IQGAP3: variants seen among roughly 807,000 people sequenced by gnomAD.
IQGAP3 encodes IQ motif containing GTPase activating protein 3.
IQGAP3 carries 165 observed loss-of-function variants against 208.2 expected under a neutral mutation model. The ratio of observed to expected loss-of-function variants is 0.79; its 90% CI spans 0.70 to 0.90. The LOEUF (loss-of-function observed/expected upper bound fraction) is 0.90. Among genes scored for constraint, IQGAP3 ranks in the 40% least tolerant of loss-of-function variants. The pLI is 0.00. For missense variants in IQGAP3, 1,811 were observed against 2,043.1 expected, an observed-to-expected ratio of 0.89 and a Z score of 2.19; for synonymous variants, 703 against 803.6, an observed-to-expected ratio of 0.87 and a Z score of 2.12.
chr1:156,559,941 G>A (rs747086794), intron 11 of IQGAP3, among the ~76,000 whole-genome samples: 11 of 152,204 alleles, frequency 7.2e-5, no homozygotes, highest in Non-Finnish European at 1.3e-4. Context: ...AGCAGCAATC[G>A]GGAATGAACT....
intron 19 of IQGAP3, among the ~76,000 whole-genome samples, chr1:156,547,396 C>CAG (rs1675305393): frequency 1.5e-5 from 2 of 137,852 alleles, no homozygotes; most frequent in African/African-American, 6.0e-5. Flanking sequence ...CAGACACACA[C>CAG]ACACACACAC....
intron 30 of IQGAP3, 26 bp from the exon 31 acceptor site, chr1:156,533,901 A>G (rs1674546871): frequency 6.2e-7 from 1 of 1,604,506 alleles, no homozygotes; most frequent in South Asian, 1.1e-5. Context: ...AGAAAAGGAG[A>G]TGCAGGGTCT....
chr1:156,561,173 GTTT>G, intron 10 of IQGAP3, 152 bp from the exon 11 acceptor site: 9 of 442,128 alleles, frequency 2.0e-5, no homozygotes, highest in East Asian at 7.7e-5. Context: ...CCTATTAACC[GTTT>G]TTTTTTTTTT....
chr1:156,539,062 T>A, intron 25 of IQGAP3, 29 bp from the exon 26 acceptor site: 1 of 1,580,232 alleles, frequency 6.3e-7, no homozygotes, highest in South Asian at 1.1e-5. Context: ...TTGAAACCAG[T>A]CTTCTGCCTC....
intron 9 of IQGAP3, 34 bp downstream of exon 9, chr1:156,562,553 C>T (rs1485900447): frequency 4.5e-6 from 7 of 1,563,800 alleles, no homozygotes; most frequent in South Asian, 1.1e-5. Context: ...ACCCTGAGGT[C>T]ACCCCCAAAC....
intron 15 of IQGAP3, among the ~76,000 whole-genome samples, chr1:156,550,961 C>G (rs764046679): frequency 6.6e-6 from 1 of 152,198 alleles, no homozygotes; most frequent in Non-Finnish European, 1.5e-5. Flanking sequence ...CTTCCCAACT[C>G]TCCTCAATAA....
At chr1:156,527,343 T>A (rs1439532449) in intron 37 of IQGAP3, among the ~76,000 whole-genome samples, 2 of 151,684 alleles carry the variant, frequency 1.3e-5, no homozygotes, top group South Asian at 2.1e-4. Context: ...GCCGGTGTGG[T>A]GGCGCACGCC....
At chr1:156,544,301 TAGA>T in intron 20 of IQGAP3, 78 bp from the exon 21 acceptor site, 1 of 1,573,784 alleles carries the variant, frequency 6.4e-7, no homozygotes, top group Non-Finnish European at 8.7e-7. Context: ...CAGCTAAATC[TAGA>T]GGTCACAAGA....
Position 156,528,504 on chromosome 1 carries a change from C to A in IQGAP3, c.4673+5G>T, listed in dbSNP as rs751410010. On this transcript the variant is annotated splice_donor_5th_base_variant and intron_variant, in intron 36 of 37. Coordinates refer to ENST00000361170, the MANE Select transcript of IQGAP3 (RefSeq NM_178229.5). ...GCTGACATCCTGCCCTCCAAAGACA[C>A]ATACTGAGAGGCGGGAAGATCTTCA... The A allele has an allele frequency of 3.1e-6, 5 of 1,609,154 alleles. No individual in the cohort carries two copies. In the South Asian group the frequency reaches 5.5e-5, roughly 18 times the overall value.
At position 156,553,861 on chromosome 1, in the gene IQGAP3, G is replaced by A. The variant is rs144498972; in HGVS notation, c.1448+374C>T. On this transcript the variant is annotated intron_variant, in intron 13 of 37. Transcript: ENST00000361170. ...CTCCCAAAGTGCTGGGATTACAGGC[G>A]TGAGCCACTGCACCCAGCCACCTCA... 9.2e-3 allele frequency among the ~76,000 whole-genome samples: 1,397 copies of A among 152,256 alleles called. 17 individuals carry two copies. The highest frequency in any genetic ancestry group is 0.031 in the African/African-American group (1,307 of 41,556).
chr1:156,552,032 C>T lies in IQGAP3; in HGVS notation c.1512G>A (p.Trp504Ter). 1 of 1,614,170 alleles carries T rather than the reference C, an allele frequency of 6.2e-7. No homozygotes were observed. Among genetic ancestry groups the T allele is most frequent in the Non-Finnish European group, 8.5e-7 (1 of 1,180,018 alleles). ...ERGMGEDFLS[W>*]NDLQATVSQV... The stretch of plus-strand genomic sequence containing the variant: ...GGCTCACGGTGGCCTGCAGGTCATT[C>T]CAGCTCAGGAAGTCCTCACCCATCC... Residue 504 changes from tryptophan (W) to a stop codon, truncating the protein, a stop_gained, in exon 14 of 38, where the codon TGG (tryptophan) becomes TGA (stop). Coordinates refer to ENST00000361170, the MANE Select transcript of IQGAP3 (RefSeq NM_178229.5). LOFTEE classifies it high-confidence loss of function.
intron 15 of IQGAP3, among the ~76,000 whole-genome samples, chr1:156,551,459 G>A (rs1212558026): frequency 2.0e-5 from 3 of 152,192 alleles, no homozygotes; most frequent in African/African-American, 7.2e-5. Flanking sequence ...AGGTCACATG[G>A]TCACTAAGGG....
intron 12 of IQGAP3, among the ~76,000 whole-genome samples, chr1:156,555,221 T>C (rs1675773496): frequency 6.6e-6 from 1 of 152,172 alleles, no homozygotes; most frequent in South Asian, 2.1e-4. Flanking sequence ...GCCCTTTGTC[T>C]AGAGCACCCT....
rs778568841 is a variant in IQGAP3, at chr1:156,530,126, C to A, written c.4383G>T (p.Gly1461=). The change falls in exon 34 of 38, where the codon GGG becomes GGT. Residue 1461 remains glycine (G), a synonymous_variant. Coordinates refer to ENST00000361170, the MANE Select transcript of IQGAP3 (RefSeq NM_178229.5). ...TTACCTTGGCCAGCTCGTCCACTAG[C>A]CCCTGGTAGCCATTTCTGGCGCTGA... ...GLVSARNGYQ[G]LVDELAKDIR... 2.1e-5 allele frequency: 33 copies of A among 1,605,580 alleles called. No homozygotes were observed. Among genetic ancestry groups the A allele is most frequent in the Non-Finnish European group, 2.6e-5 (31 of 1,176,086 alleles).
At chr1:156,571,513 A>G (rs558708741) in intron 1 of IQGAP3, among the ~76,000 whole-genome samples, 1 of 152,354 alleles carries the variant, frequency 6.6e-6, no homozygotes, top group Non-Finnish European at 1.5e-5. Context: ...ACACTGGCCA[A>G]CCACAGGAAA....
chr1:156,548,219 C>A lies in IQGAP3; in HGVS notation c.2158G>T (p.Ala720Ser). Residue 720 changes from alanine to serine, a missense_variant, in exon 19 of 38, where the codon GCC (alanine) becomes TCC (serine). Ala to Ser is a moderately conservative substitution (Grantham distance 99). Coordinates refer to ENST00000361170, the MANE Select transcript of IQGAP3 (RefSeq NM_178229.5). ...IQSAVTKVTAAYDRQQLWKAN... is the reference protein window; with the variant it reads ...IQSAVTKVTASYDRQQLWKAN... The stretch of plus-strand genomic sequence containing the variant: ...TTCCAGAGCTGTTGGCGGTCATAGG[C>A]AGCAGTGACCTTGGTGACAGCTGAC... The A allele has an allele frequency of 6.2e-7, 1 of 1,613,978 alleles. No homozygotes were observed. Among genetic ancestry groups the A allele is most frequent in the Non-Finnish European group, 8.5e-7 (1 of 1,179,896 alleles).
At chr1:156,527,082 C>T (rs377109053) in intron 37 of IQGAP3, among the ~76,000 whole-genome samples, 11 of 151,800 alleles carry the variant, frequency 7.2e-5, no homozygotes, top group Admixed American at 1.3e-4. Context: ...CCGCCCGCCT[C>T]GGCCTCCCAA....
intron 34 of IQGAP3, 33 bp downstream of exon 34, chr1:156,530,072 A>G: frequency 6.6e-7 from 1 of 1,523,856 alleles, no homozygotes; most frequent in Non-Finnish European, 8.9e-7. Context: ...ACACGTACAC[A>G]CAGGCACACG....
At chr1:156,541,245 C>A (rs1318757105) in intron 22 of IQGAP3, among the ~76,000 whole-genome samples, 1 of 151,974 alleles carries the variant, frequency 6.6e-6, no homozygotes, top group Non-Finnish European at 1.5e-5. Context: ...TCCTCCCAGA[C>A]CTCCCTAGTC....
Sources: allele counts gnomAD v4.1 joint callset (sites outside exome capture counted in the v4.1 genomes callset), GRCh38; gene constraint gnomAD v4.1.1; transcripts MANE v1.5; gene names NCBI Gene and HGNC (gene_info 2026-07-23, HGNC 2026-07-21).